The following RALGPS1 variants were observed in gnomAD, a reference collection of about 807,000 sequenced individuals.
The protein encoded by RALGPS1 is Ral GEF with PH domain and SH3 binding motif 1.
A neutral mutation model predicts 78.8 loss-of-function variants in RALGPS1; 19 were observed. That is an observed-to-expected ratio of 0.24 (90% CI 0.17 to 0.35). RALGPS1 has a LOEUF of 0.35. Ranked by LOEUF, RALGPS1 falls within the 10% of genes least tolerant of loss-of-function variation. The probability of loss-of-function intolerance (pLI) is 1.00; values close to 1 mark genes in which losing one functional copy is unlikely to be tolerated. For synonymous variants in RALGPS1, 228 were observed against 256.3 expected, an observed-to-expected ratio of 0.89 and a Z score of 1.06; for missense variants, 454 against 688.3, an observed-to-expected ratio of 0.66 and a Z score of 3.81.
At chr9:127,098,266 C>T (rs185632776) in intron 8 of RALGPS1, among the ~76,000 whole-genome samples, 62 of 152,340 alleles carry the variant, frequency 4.1e-4, no homozygotes, top group African/African-American at 1.4e-3. Flanking sequence ...GGGCAAAGCG[C>T]TCCCTTTGGA....
At chr9:127,064,896 GGTTTT>G (rs1015871040) in intron 7 of RALGPS1, among the ~76,000 whole-genome samples, 6 of 102,788 alleles carry the variant, frequency 5.8e-5, no homozygotes, top group African/African-American at 2.2e-4. Context: ...TTTTGGTTTT[GGTTTT>G]GTTTGTTTTG....
intron 8 of RALGPS1, among the ~76,000 whole-genome samples, chr9:127,163,259 T>C (rs1023369383): frequency 2.0e-5 from 3 of 152,190 alleles, no homozygotes; most frequent in African/African-American, 7.2e-5. Flanking sequence ...TTTTTCAGGA[T>C]TGCCGTTGCT....
At chr9:127,022,647 G>A (rs542292395) in intron 4 of RALGPS1, among the ~76,000 whole-genome samples, 5 of 152,070 alleles carry the variant, frequency 3.3e-5, no homozygotes, top group Admixed American at 3.3e-4. Context: ...GGGCTACCTT[G>A]CTGTTCTCAG....
chr9:127,093,619 C>G, intron 8 of RALGPS1: 1 of 1,326,124 alleles, frequency 7.5e-7, no homozygotes, highest in East Asian at 2.3e-5. Flanking sequence ...CCGCACAGGC[C>G]TGGGCTTGGT....
Position 127,212,768 on chromosome 9 carries a change from AGG to A in RALGPS1, c.1446+51_1446+52del, listed in dbSNP as rs1352398395. The A allele has an allele frequency of 1.3e-6, 2 of 1,547,846 alleles. No individual in the cohort carries two copies. Among genetic ancestry groups the A allele is most frequent in the South Asian group, 2.3e-5 (2 of 87,928 alleles). On this transcript the variant is annotated intron_variant, in intron 16 of 18. Transcript: ENST00000259351. This position sits in a 1 kb window ranked among gnomAD's most constrained non-coding sequence, Gnocchi z 6.0. ...GTGCTGGGACTTCCTCTAGTGGGGA[AGG>A]GACCTCTGTGAACTGTGGAGGATGG... is the stretch of plus-strand genomic sequence containing the variant.
intron 14 of RALGPS1, chr9:127,210,520 C>T (rs1004781613): frequency 3.7e-5 from 22 of 601,436 alleles, no homozygotes; most frequent in Admixed American, 1.4e-4. Flanking sequence ...GGCCTGGCAG[C>T]TCCAGGTGTG....
chr9:127,031,145 C>T (rs1026111278), intron 4 of RALGPS1, among the ~76,000 whole-genome samples: 2 of 152,240 alleles, frequency 1.3e-5, no homozygotes, highest in East Asian at 3.8e-4. Context: ...CATCCCAAAC[C>T]CTTGTCTCCC....
intron 10 of RALGPS1, among the ~76,000 whole-genome samples, chr9:127,173,921 G>A (rs2059696941): frequency 6.6e-6 from 1 of 152,192 alleles, no homozygotes; most frequent in Non-Finnish European, 1.5e-5. Flanking sequence ...GCTGAGGTAT[G>A]AGAATCGCTT....
intron 8 of RALGPS1, among the ~76,000 whole-genome samples, chr9:127,114,558 C>T (rs763230467): frequency 2.0e-5 from 3 of 152,200 alleles, no homozygotes; most frequent in Admixed American, 1.3e-4. Context: ...AAATTAAATC[C>T]GGATCTCAGG....
At chr9:127,063,112 G>A (rs2049364922) in intron 7 of RALGPS1, among the ~76,000 whole-genome samples, 2 of 152,060 alleles carry the variant, frequency 1.3e-5, no homozygotes, top group African/African-American at 4.8e-5. Context: ...TTATTCTCTC[G>A]AGGCAAGGGA....
At chr9:127,134,918 C>T (rs545675297) in intron 8 of RALGPS1, among the ~76,000 whole-genome samples, 2 of 152,292 alleles carry the variant, frequency 1.3e-5, no homozygotes, top group African/African-American at 4.8e-5. Context: ...ACCCCCTCTC[C>T]GGCCCAGTGA....
intron 1 of RALGPS1, among the ~76,000 whole-genome samples, chr9:126,952,655 G>C (rs929078043): frequency 8.6e-6 from 1 of 116,038 alleles, no homozygotes; most frequent in South Asian, 2.9e-4. Context: ...GAGAGAGAGA[G>C]AGTGTGTGTG....
chr9:127,005,848 T>C (rs112753554), intron 4 of RALGPS1, among the ~76,000 whole-genome samples: 12,453 of 152,268 alleles, frequency 0.082, 1,708 homozygotes, highest in African/African-American at 0.28. Flanking sequence ...TTAGCCACTC[T>C]GCCTTCTACA....
chr9:127,029,302 C>G (rs2046222420), intron 4 of RALGPS1, among the ~76,000 whole-genome samples: 1 of 152,208 alleles, frequency 6.6e-6, no homozygotes, highest in African/African-American at 2.4e-5. Context: ...AAAACTGGCA[C>G]TGTCTCCCTG....
intron 11 of RALGPS1, among the ~76,000 whole-genome samples, chr9:127,177,407 G>A (rs532422979): frequency 1.3e-5 from 2 of 152,236 alleles, no homozygotes; most frequent in Non-Finnish European, 2.9e-5. Context: ...CATTCAACAC[G>A]CCTGCATGCT....
intron 8 of RALGPS1, among the ~76,000 whole-genome samples, chr9:127,131,506 CAGG>C (rs1367481457): frequency 2.6e-5 from 4 of 152,212 alleles, no homozygotes; most frequent in Non-Finnish European, 5.9e-5. Flanking sequence ...CGGAGCCTCT[CAGG>C]AGAAGTTCTC....
chr9:126,973,048 C>T (rs1371655315), intron 3 of RALGPS1, among the ~76,000 whole-genome samples: 1 of 151,526 alleles, frequency 6.6e-6, no homozygotes, highest in African/African-American at 2.4e-5. Context: ...GGCGACAGAG[C>T]GAGACTCCAT....
At chr9:127,195,752 C>CCCTTCCTT (rs201544370) in intron 12 of RALGPS1, among the ~76,000 whole-genome samples, 28 of 151,490 alleles carry the variant, frequency 1.8e-4, no homozygotes, top group African/African-American at 3.2e-4. Flanking sequence ...ACAGATGAGT[C>CCCTTCCTT]CCTTCCTTCC....
At chr9:127,206,153 C>T (rs944777089) in intron 14 of RALGPS1, among the ~76,000 whole-genome samples, 23 of 152,198 alleles carry the variant, frequency 1.5e-4, no homozygotes, top group African/African-American at 4.6e-4. Flanking sequence ...ATCCAGGGTG[C>T]GCAGGCGCAG....
Sources: gnomAD v4.1 joint callset for allele counts (sites outside exome capture counted in the v4.1 genomes callset) on GRCh38, gnomAD v4.1.1 for gene constraint, Gnocchi (gnomAD v3.1) non-coding constraint, MANE v1.5 for transcripts, NCBI Gene and HGNC (gene_info 2026-07-23, HGNC 2026-07-21) for gene names.